The following COX10 variants were observed in gnomAD, a reference collection of about 807,000 sequenced individuals.
COX10 encodes the protein protoheme IX farnesyltransferase, mitochondrial.
A neutral mutation model predicts 37.3 loss-of-function variants in COX10; 27 were observed. The ratio of observed to expected loss-of-function variants is 0.72; its 90% CI spans 0.53 to 1.00. The LOEUF is 1.00. Among genes scored for constraint, COX10 ranks in the 50% least tolerant of loss-of-function variants. The pLI is 0.00. For synonymous variants in COX10, 222 were observed against 229.1 expected, an observed-to-expected ratio of 0.97 and a Z score of 0.28; for missense variants, 475 against 563.2, an observed-to-expected ratio of 0.84 and a Z score of 1.59.
intron 4 of COX10, among the ~76,000 whole-genome samples, chr17:14,152,083 G>T (rs1227900604): frequency 6.6e-6 from 1 of 152,138 alleles, no homozygotes; most frequent in East Asian, 1.9e-4. Context: ...ATACCTTTAA[G>T]CAGCGGCTCT....
chr17:14,080,758 A>G (rs1915275854), intron 3 of COX10, among the ~76,000 whole-genome samples: 1 of 152,136 alleles, frequency 6.6e-6, no homozygotes, highest in Non-Finnish European at 1.5e-5. Flanking sequence ...CATTTTATAC[A>G]TCATATTCAT....
At chr17:14,177,360 T>C (rs551028200) in intron 5 of COX10, 216 of 537,896 alleles carry the variant, frequency 4.0e-4, no homozygotes, top group Middle Eastern at 2.8e-3. Context: ...GTATCACTTA[T>C]AGTTTAAAAA....
At chr17:14,195,466 C>T (rs1906339882) in intron 6 of COX10, among the ~76,000 whole-genome samples, 3 of 152,118 alleles carry the variant, frequency 2.0e-5, no homozygotes, top group South Asian at 2.1e-4. Context: ...ATATTTCAAA[C>T]GCGCAAAGGC....
At chr17:14,096,368 T>G (rs1044100660) in intron 3 of COX10, among the ~76,000 whole-genome samples, 3 of 129,776 alleles carry the variant, frequency 2.3e-5, no homozygotes, top group Non-Finnish European at 3.1e-5. Context: ...AGGTGTGTTT[T>G]TTTTTTTTTC....
intron 5 of COX10, among the ~76,000 whole-genome samples, chr17:14,174,559 A>G (rs1905597227): frequency 2.0e-5 from 3 of 152,198 alleles, no homozygotes; most frequent in Non-Finnish European, 2.9e-5. Flanking sequence ...GTCAGTAATC[A>G]TACGGGAAAT....
intron 3 of COX10, among the ~76,000 whole-genome samples, chr17:14,080,890 A>C (rs1915278630): frequency 6.6e-6 from 1 of 151,760 alleles, no homozygotes; most frequent in Non-Finnish European, 1.5e-5. Flanking sequence ...CATGCCTAGA[A>C]AGGTTTCATC....
chr17:14,094,071 A>AGAGC (rs1915588576), intron 3 of COX10, among the ~76,000 whole-genome samples: 1 of 152,132 alleles, frequency 6.6e-6, no homozygotes, highest in African/African-American at 2.4e-5. Flanking sequence ...AAAAAAAGGG[A>AGAGC]GAGCCAAATA....
chr17:14,104,165 T>G (rs545954547), intron 4 of COX10, among the ~76,000 whole-genome samples: 1 of 152,196 alleles, frequency 6.6e-6, no homozygotes, highest in African/African-American at 2.4e-5. Context: ...CTCATATTGC[T>G]TCCTTCCACT....
chr17:14,106,937 G>GT (rs1335492754), intron 4 of COX10, among the ~76,000 whole-genome samples: 1 of 152,152 alleles, frequency 6.6e-6, no homozygotes, highest in African/African-American at 2.4e-5. Flanking sequence ...GATGTTTCAT[G>GT]TTTTTACAGT....
chr17:14,078,094 A>G (rs62054147), intron 3 of COX10, among the ~76,000 whole-genome samples: 524 of 152,220 alleles, frequency 3.4e-3, no homozygotes, highest in Non-Finnish European at 5.3e-3. Context: ...TCTTAGTAAG[A>G]CTTGTGTAAT....
intron 3 of COX10, among the ~76,000 whole-genome samples, chr17:14,083,226 C>T (rs1381641264): frequency 2.0e-5 from 3 of 152,202 alleles, no homozygotes; most frequent in Non-Finnish European, 2.9e-5. Context: ...GAATTAAAGT[C>T]CTTTCCTTCT....
chr17:14,076,226 C>T (rs887416583), intron 2 of COX10, among the ~76,000 whole-genome samples: 1 of 150,802 alleles, frequency 6.6e-6, no homozygotes, highest in Admixed American at 6.6e-5. Flanking sequence ...CTTAGCCTCC[C>T]GAGTAGCTGG....
Position 14,148,380 on chromosome 17 carries a change from G to T in COX10, c.625-11497G>T, listed in dbSNP as rs144337539. The stretch of plus-strand genomic sequence containing the variant: ...ACTGATTTGTAAGCTGAAAGTAATG[G>T]CACATGGAATCCTGCTGGATAAGGT... On this transcript the variant is annotated intron_variant, in intron 4 of 6. Coordinates refer to ENST00000261643, the MANE Select transcript of COX10 (RefSeq NM_001303.4). 2.4e-3 allele frequency among the ~76,000 whole-genome samples: 358 copies of T among 152,252 alleles called. 1 individual carries two copies. Among genetic ancestry groups the T allele is most frequent in the African/African-American group, 8.2e-3 (342 of 41,560 alleles).
intron 5 of COX10, among the ~76,000 whole-genome samples, chr17:14,180,502 C>T (rs961426104): frequency 1.3e-5 from 2 of 152,132 alleles, no homozygotes; most frequent in Non-Finnish European, 2.9e-5. Flanking sequence ...AAGTTACACT[C>T]CTTTCTCTCA....
intron 6 of COX10, among the ~76,000 whole-genome samples, chr17:14,203,400 A>G (rs1325556280): frequency 6.6e-6 from 1 of 152,158 alleles, no homozygotes; most frequent in Non-Finnish European, 1.5e-5. Context: ...ACAGAAAACT[A>G]TTCATGGATA....
At chr17:14,202,723 C>G (rs189314979) in intron 6 of COX10, among the ~76,000 whole-genome samples, 3 of 151,682 alleles carry the variant, frequency 2.0e-5, no homozygotes, top group Non-Finnish European at 4.4e-5. Flanking sequence ...GAGTAACCCC[C>G]CTCTGCCACC....
intron 3 of COX10, among the ~76,000 whole-genome samples, chr17:14,087,293 T>C (rs1353591758): frequency 6.6e-6 from 1 of 152,180 alleles, no homozygotes; most frequent in Non-Finnish European, 1.5e-5. Context: ...TTTTCTTTTG[T>C]ACCGTAGAGT....
intron 4 of COX10, among the ~76,000 whole-genome samples, chr17:14,151,294 G>C (rs759491004): frequency 2.0e-5 from 3 of 151,988 alleles, no homozygotes; most frequent in Non-Finnish European, 2.9e-5. Flanking sequence ...AGAATTGCTG[G>C]GCCCTCACTG....
rs1424047424 is a variant in COX10 at position 14,201,035 on chromosome 17, A to G, written c.929-5775A>G. On this transcript the variant is annotated intron_variant, in intron 6 of 6. Coordinates refer to ENST00000261643, the MANE Select transcript of COX10 (RefSeq NM_001303.4). ...GACACGAGCAGAGGACTTTGAAAAC[A>G]GACTGTGCCTATCTCTAGGGGCACA... is the stretch of plus-strand genomic sequence containing the variant. Among the ~76,000 whole-genome samples the G allele has an allele frequency of 2.6e-5, 4 of 152,228 alleles. No homozygotes were observed. The East Asian group carries it at 7.7e-4, about 29-fold the overall frequency.
Sources: gnomAD v4.1 joint callset for allele counts (sites outside exome capture counted in the v4.1 genomes callset) on GRCh38, gnomAD v4.1.1 for gene constraint, MANE v1.5 for transcripts, NCBI Gene and HGNC (gene_info 2026-07-23, HGNC 2026-07-21) for gene names.